The following ATP1A2 variants were observed in gnomAD, a reference collection of about 807,000 sequenced individuals.
ATP1A2 encodes ATPase Na+/K+ transporting subunit alpha 2.
ATP1A2 carries 56 observed loss-of-function variants against 113.1 expected under a neutral mutation model. The observed-to-expected ratio is 0.49, with a 90% CI of 0.40 to 0.62. ATP1A2 has a LOEUF of 0.62. ATP1A2 is among the 20% of genes least tolerant of loss of function. The pLI is 0.00. For missense variants in ATP1A2, 712 were observed against 1,357.8 expected, an observed-to-expected ratio of 0.52 and a Z score of 7.47; for synonymous variants, 490 against 526.8, an observed-to-expected ratio of 0.93 and a Z score of 0.96.
At chr1:160,128,624 C>CT (rs1558005770) in intron 8 of ATP1A2, 28 bp from the exon 9 acceptor site, 3 of 1,614,084 alleles carry the variant, frequency 1.9e-6, no homozygotes, top group Non-Finnish European at 2.5e-6. Flanking sequence ...CAGCCTTAAC[C>CT]TTTTTTATTC....
At chr1:160,117,493 A>C (rs1651223735) in intron 1 of ATP1A2, among the ~76,000 whole-genome samples, 1 of 152,026 alleles carries the variant, frequency 6.6e-6, no homozygotes, top group Admixed American at 6.5e-5. Context: ...TCACCATCCT[A>C]AGTTGCTGTG....
rs370907472 is a variant in ATP1A2 at position 160,139,603 on chromosome 1, C to T, written c.2841-37C>T. Reference sequence around the variant, plus strand: ...ATCCCAGGATCTCTGCCTCCATGATCCCCCTTCACCTGCCACCTCCTTTCT... The same window carrying T: ...ATCCCAGGATCTCTGCCTCCATGATTCCCCTTCACCTGCCACCTCCTTTCT... On this transcript the variant is annotated intron_variant, in intron 20 of 22. Transcript: ENST00000361216. 12 of 1,577,998 alleles carry T rather than the reference C, an allele frequency of 7.6e-6. No homozygotes were observed. In the African/African-American group the frequency reaches 1.1e-4, roughly 14 times the overall value.
chr1:160,123,938 A>C lies in ATP1A2; in HGVS notation c.382-5A>C. 6.2e-7 allele frequency: 1 copy of C among 1,613,842 alleles called. No individual in the cohort carries two copies. The highest frequency in any genetic ancestry group is 1.1e-5 in the South Asian group (1 of 91,060). ...CAGGTCCCTGAAACTCTTTCTCCTT[A>C]CCAGCTATATCTGGGTGTGGTGCTG... On this transcript the variant is annotated splice_region_variant and splice_polypyrimidine_tract_variant and intron_variant, in intron 4 of 22. Transcript: ENST00000361216.
rs563906503 is a variant in ATP1A2 at position 160,130,390 on chromosome 1, G to A, written c.1652-32G>A. 2.0e-5 allele frequency: 33 copies of A among 1,614,174 alleles called. No homozygotes were observed. The Middle Eastern group carries it at 4.9e-4, about 24-fold the overall frequency. Reference sequence around the variant, plus strand: ...GGGGGCGTCCAGGAAGCCACTCTGCGGATCTCACTGATCCCTTCTGCCCCC... The same window carrying A: ...GGGGGCGTCCAGGAAGCCACTCTGCAGATCTCACTGATCCCTTCTGCCCCC... On this transcript the variant is annotated intron_variant, in intron 12 of 22. Transcript: ENST00000361216.
chr1:160,129,940 T>G (rs1360612288), intron 11 of ATP1A2, among the ~76,000 whole-genome samples, 162 bp from the exon 12 acceptor site: 2 of 152,176 alleles, frequency 1.3e-5, no homozygotes, highest in Admixed American at 1.3e-4. Context: ...GTGTTGGAAC[T>G]GTGAGGTCTA....
chr1:160,115,907 A>G (rs1342047383), intron 1 of ATP1A2, 34 bp downstream of exon 1: 1 of 1,598,246 alleles, frequency 6.3e-7, no homozygotes, highest in South Asian at 1.1e-5. Flanking sequence ...GTCGCAGTCT[A>G]GAGGGTGAGG....
chr1:160,129,119 T>A (rs975166744), intron 10 of ATP1A2, 30 bp downstream of exon 10: 1 of 1,537,644 alleles, frequency 6.5e-7, no homozygotes, highest in Non-Finnish European at 8.7e-7. Context: ...ACCAGGTATG[T>A]TTTGGGGGTG....
chr1:160,126,724 G>A (rs1202949738), intron 7 of ATP1A2, among the ~76,000 whole-genome samples: 3 of 152,104 alleles, frequency 2.0e-5, no homozygotes, highest in African/African-American at 7.2e-5. Context: ...TCCTGCCTCA[G>A]CCTCCCAAAG....
intron 20 of ATP1A2, 26 bp downstream of exon 20, chr1:160,137,057 A>G: frequency 1.2e-6 from 2 of 1,613,430 alleles, no homozygotes. Context: ...CATGGCACCT[A>G]CCCACCCAGG....
chr1:160,137,138 G>C (rs548330210), intron 20 of ATP1A2, 107 bp downstream of exon 20: 39 of 1,568,252 alleles, frequency 2.5e-5, no homozygotes, highest in Admixed American at 3.3e-5. Flanking sequence ...TGTAAGGAGG[G>C]CATCAGATTT....
Position 160,121,021 on chromosome 1 carries a change from T to G in ATP1A2, c.117+11T>G. 19 of 1,614,060 alleles carry G rather than the reference T, an allele frequency of 1.2e-5. No individual in the cohort carries two copies. The highest frequency in any genetic ancestry group is 1.6e-5 in the Non-Finnish European group (19 of 1,179,926). Reference sequence around the variant, plus strand: ...AAGGAGGTGGCAATGGTGAGGGAACTGCTGGGCCATGGAGGAGGGGCCCCA... The same window carrying G: ...AAGGAGGTGGCAATGGTGAGGGAACGGCTGGGCCATGGAGGAGGGGCCCCA... On this transcript the variant is annotated intron_variant, in intron 2 of 22. Transcript: ENST00000361216.
rs1340603793 is a variant in ATP1A2 at position 160,142,404 on chromosome 1, TGGA to T, written c.*1084_*1086del. ...CGCTGGCCATTGGCTAGAATCAGGG[TGGA>T]GAAGTTCCCTGAACCTTCCTGTCTC... On this transcript the variant is annotated 3_prime_UTR_variant, in exon 23 of 23. Coordinates refer to ENST00000361216, the MANE Select transcript of ATP1A2 (RefSeq NM_000702.4). 6.6e-6 allele frequency: 1 copy of T among 152,096 alleles called. No individual in the cohort carries two copies. Among genetic ancestry groups the T allele is most frequent in the African/African-American group, 2.4e-5 (1 of 41,408 alleles). The allele number at this position is 152,096 out of a possible 1,614,324, so 9.4% of individuals were successfully genotyped here. A position where few individuals can be genotyped will look rare whatever the true frequency, so the allele number is the denominator to read the frequency against.
intron 1 of ATP1A2, among the ~76,000 whole-genome samples, chr1:160,117,861 G>T (rs1241949957): frequency 2.6e-5 from 4 of 151,962 alleles, no homozygotes; most frequent in Admixed American, 2.6e-4. Context: ...CCCCCACTCT[G>T]TCCCAGCCTC....
rs1651634629 is a variant in ATP1A2 at position 160,127,950 on chromosome 1, C to G, written c.1017+130C>G. 3.9e-6 allele frequency: 5 copies of G among 1,285,218 alleles called. No homozygotes were observed. In the African/African-American group the frequency reaches 4.5e-5, roughly 11 times the overall value. 79.6% of individuals were successfully genotyped at this position (1,285,218 alleles called of 1,614,324 possible). On this transcript the variant is annotated intron_variant, in intron 8 of 22. Transcript: ENST00000361216. ...AGAGTCACTTATTGGATGCGATACT[C>G]AGAGATCACTTAATACATGGCTTAG...
Position 160,130,617 on chromosome 1 carries a change from C to T in ATP1A2, c.1827+20C>T. The T allele has an allele frequency of 6.2e-7, 1 of 1,613,972 alleles. No homozygotes were observed. On this transcript the variant is annotated intron_variant, in intron 13 of 22. Coordinates refer to ENST00000361216, the MANE Select transcript of ATP1A2 (RefSeq NM_000702.4). ...ATCAAGGTACTGGCCTCCCATCCTC[C>T]CCTCCATTCTAGCCTCCCCCATGCC...
chr1:160,131,626 G>A (rs2101991566), intron 13 of ATP1A2, among the ~76,000 whole-genome samples: 1 of 152,140 alleles, frequency 6.6e-6, no homozygotes, highest in African/African-American at 2.4e-5. Context: ...AGGAGTCCAA[G>A]ACCAGCCTGG....
chr1:160,119,954 G>A (rs747197990), intron 1 of ATP1A2, among the ~76,000 whole-genome samples: 14 of 151,902 alleles, frequency 9.2e-5, no homozygotes, highest in Admixed American at 2.0e-4. Context: ...CCCTAGAAGC[G>A]GAGGGTGCAG....
At chr1:160,119,882 C>T (rs574495060) in intron 1 of ATP1A2, among the ~76,000 whole-genome samples, 4 of 149,994 alleles carry the variant, frequency 2.7e-5, no homozygotes, top group African/African-American at 9.8e-5. Flanking sequence ...ATTAGCTGAG[C>T]GTGGTGGTGC....
At chr1:160,116,550 C>CG (rs931206639) in intron 1 of ATP1A2, among the ~76,000 whole-genome samples, 1 of 151,912 alleles carries the variant, frequency 6.6e-6, no homozygotes, top group Admixed American at 6.6e-5. Context: ...GACCCCCCCC[C>CG]CAGTCCACCC....
Sources: allele counts gnomAD v4.1 joint callset (sites outside exome capture counted in the v4.1 genomes callset), GRCh38; gene constraint gnomAD v4.1.1; transcripts MANE v1.5; gene names NCBI Gene and HGNC (gene_info 2026-07-23, HGNC 2026-07-21).